LRP2: variants seen among roughly 807,000 people sequenced by gnomAD.
LRP2 encodes the protein LDL receptor related protein 2, also known as low-density lipoprotein receptor-related protein 2.
Under a neutral mutation model 531.0 loss-of-function variants are expected in LRP2, and 172 were observed. The observed-to-expected ratio is 0.32, with a 90% CI of 0.29 to 0.37. LRP2 has a LOEUF of 0.37. Among genes scored for constraint, LRP2 ranks in the 10% least tolerant of loss-of-function variants. The pLI is 1.00. For missense variants in LRP2, 5,167 were observed against 5,868.3 expected, an observed-to-expected ratio of 0.88 and a Z score of 3.90; for synonymous variants, 1,992 against 2,027.6, an observed-to-expected ratio of 0.98 and a Z score of 0.47.
chr2:169,325,705 G>A (rs1668639719), intron 1 of LRP2, among the ~76,000 whole-genome samples: 1 of 152,160 alleles, frequency 6.6e-6, no homozygotes, highest in Admixed American at 6.5e-5. Flanking sequence ...AACAAGACAG[G>A]AACAGCAAAC....
At chr2:169,175,451 G>T in intron 54 of LRP2, 62 bp from the exon 55 acceptor site, 1 of 1,502,672 alleles carries the variant, frequency 6.7e-7, no homozygotes, top group Admixed American at 1.7e-5. Context: ...TATCTGGAGA[G>T]AAGAAGTCAA....
chr2:169,241,496 T>A, intron 24 of LRP2, 131 bp from the exon 25 acceptor site: 1 of 954,960 alleles, frequency 1.0e-6, no homozygotes, highest in Non-Finnish European at 1.7e-6. Flanking sequence ...AATTAATATT[T>A]AAGGCTAAAT....
intron 65 of LRP2, 109 bp from the exon 66 acceptor site, chr2:169,154,712 T>C: frequency 1.0e-6 from 1 of 985,232 alleles, no homozygotes. Flanking sequence ...GAACATGAGT[T>C]TTTATAGGAA....
At chr2:169,257,727 C>T (rs1049547279) in intron 17 of LRP2, among the ~76,000 whole-genome samples, 3 of 150,862 alleles carry the variant, frequency 2.0e-5, no homozygotes, top group Non-Finnish European at 2.9e-5. Flanking sequence ...AAGAAAGCAT[C>T]CAAATCAATG....
intron 13 of LRP2, among the ~76,000 whole-genome samples, chr2:169,275,874 TTAGGCAC>T (rs1423617049): frequency 6.6e-6 from 1 of 151,836 alleles, no homozygotes; most frequent in African/African-American, 2.4e-5. Context: ...AGAAGTAAAA[TTAGGCAC>T]TAAGCGAAGA....
chr2:169,338,048 A>G (rs1420780346), intron 1 of LRP2, among the ~76,000 whole-genome samples: 1 of 152,042 alleles, frequency 6.6e-6, no homozygotes, highest in Non-Finnish European at 1.5e-5. Context: ...TTGAAGCTAC[A>G]GTGAGCTATG....
chr2:169,259,915 T>C (rs1248179920), intron 16 of LRP2, among the ~76,000 whole-genome samples: 1 of 152,078 alleles, frequency 6.6e-6, no homozygotes, highest in Non-Finnish European at 1.5e-5. Context: ...TTCAGCAAAT[T>C]GTGAAAAGAA....
chr2:169,335,974 C>A (rs1473169946), intron 1 of LRP2, among the ~76,000 whole-genome samples: 1 of 146,856 alleles, frequency 6.8e-6, no homozygotes, highest in Non-Finnish European at 1.5e-5. Context: ...AAGATAGTGC[C>A]ATTGCACTCC....
In LRP2 at chr2:169,239,580, G is replaced by C; in HGVS notation, c.4241C>G (p.Ser1414Trp). ...TTCTAACATGTAGCCTGTATCACAC[G>C]AGCACCGGAAAGAACCTCTCATATT... ...CYNMRGSFRC[S>W]CDTGYMLESD... The change falls in exon 26 of 79, where the codon TCG (serine) becomes TGG (tryptophan). Residue 1414 changes from serine (S) to tryptophan (W), a missense_variant. Around this residue, in one of 6 missense-constraint regions of LRP2, gnomAD observed 2,811 missense variants for 3,058.0 expected, o/e 0.92. Coordinates refer to ENST00000649046, the MANE Select transcript of LRP2 (RefSeq NM_004525.3). 6.2e-7 allele frequency: 1 copy of C among 1,614,006 alleles called. No individual in the cohort carries two copies. The highest frequency in any genetic ancestry group is 8.5e-7 in the Non-Finnish European group (1 of 1,179,942).
rs1372039543 is a variant in LRP2, at chr2:169,320,765, C to A, written c.187+12G>T. On this transcript the variant is annotated intron_variant, in intron 2 of 78. Transcript: ENST00000649046. ...CTCAAAATAGAACTTAGCCTGGCCC[C>A]TCCTCACTTACCGCAGCCAATTTCA... The A allele has an allele frequency of 6.2e-7, 1 of 1,609,430 alleles. No homozygotes were observed. Among genetic ancestry groups the A allele is most frequent in the South Asian group, 1.1e-5 (1 of 90,972 alleles).
intron 1 of LRP2, among the ~76,000 whole-genome samples, chr2:169,350,320 T>C (rs1223966738): frequency 1.3e-5 from 2 of 152,156 alleles, no homozygotes; most frequent in Non-Finnish European, 2.9e-5. Context: ...GGTGGACATG[T>C]CAAATGAGCA....
At chr2:169,137,533 G>GAGAA in intron 75 of LRP2, 40 bp from the exon 76 acceptor site, 1 of 1,159,658 alleles carries the variant, frequency 8.6e-7, no homozygotes, top group South Asian at 1.2e-5. Context: ...GAGAGAGAGA[G>GAGAA]AAACAGAGAG....
intron 1 of LRP2, among the ~76,000 whole-genome samples, chr2:169,323,241 A>G (rs1389696191): frequency 2.0e-5 from 3 of 152,194 alleles, no homozygotes; most frequent in Non-Finnish European, 4.4e-5. Flanking sequence ...TCTATAATTC[A>G]TTTGTCAAAT....
At chr2:169,222,571 A>G (rs1192316883) in intron 33 of LRP2, among the ~76,000 whole-genome samples, 1 of 152,196 alleles carries the variant, frequency 6.6e-6, no homozygotes, top group East Asian at 1.9e-4. Flanking sequence ...TCACCAATGG[A>G]TGCCTGAAAC....
chr2:169,308,711 G>A (rs1684499419), intron 3 of LRP2, among the ~76,000 whole-genome samples: 1 of 152,166 alleles, frequency 6.6e-6, no homozygotes, highest in Non-Finnish European at 1.5e-5. Context: ...ATAGCAGCAT[G>A]ATTTATAATC....
chr2:169,164,258 G>C (rs77332205), intron 62 of LRP2, among the ~76,000 whole-genome samples: 2 of 152,322 alleles, frequency 1.3e-5, no homozygotes, highest in Non-Finnish European at 2.9e-5. Context: ...TTGTTTATTA[G>C]TTTATGGGTC....
At chr2:169,243,185 A>C in intron 23 of LRP2, 113 bp from the exon 24 acceptor site, 1 of 974,664 alleles carries the variant, frequency 1.0e-6, no homozygotes, top group Non-Finnish European at 1.6e-6. Context: ...TATGCAGAAC[A>C]TGCAGGTTTG....
At chr2:169,279,319 G>A (rs1683637213) in intron 12 of LRP2, 53 bp downstream of exon 12, 3 of 1,321,456 alleles carry the variant, frequency 2.3e-6, no homozygotes, top group South Asian at 2.4e-5. Context: ...GTGTATAGAG[G>A]GAGAGAGAAA....
Position 169,226,588 on chromosome 2 carries a change from T to C in LRP2, c.5228A>G (p.Asp1743Gly). Reference protein sequence around the residue: ...LSPDLLNCLRDDQPFLITVRQ... With the variant: ...LSPDLLNCLRGDQPFLITVRQ... ...TACAGTTATTAAGAAAGGTTGATCA[T>C]CTGTGAAAATAGAAGAATATCAGTC... The change falls in exon 32 of 79, where the codon GAT becomes GGT. Residue 1743 changes from aspartate (D) to glycine (G), a missense_variant and splice_region_variant. Coordinates refer to ENST00000649046, the MANE Select transcript of LRP2 (RefSeq NM_004525.3). The C allele has an allele frequency of 1.2e-6, 2 of 1,607,270 alleles. No homozygotes were observed. The highest frequency in any genetic ancestry group is 2.2e-5 in the South Asian group (2 of 90,932).
Sources: gnomAD v4.1 joint callset for allele counts (sites outside exome capture counted in the v4.1 genomes callset) on GRCh38, gnomAD v4.1.1 for gene constraint, gnomAD v4.1.1 regional missense constraint, MANE v1.5 for transcripts, NCBI Gene and HGNC (gene_info 2026-07-23, HGNC 2026-07-21) for gene names.